RALGAPB: variants seen among roughly 807,000 people sequenced by gnomAD.
The protein encoded by RALGAPB is Ral GTPase activating protein non-catalytic subunit beta, also known as ral GTPase-activating protein subunit beta.
RALGAPB carries 25 observed loss-of-function variants against 161.1 expected under a neutral mutation model. The observed-to-expected ratio is 0.16, with a 90% CI of 0.11 to 0.22. The LOEUF (loss-of-function observed/expected upper bound fraction) is 0.22, where lower values mean the gene tolerates loss of function less well. Ranked by LOEUF, RALGAPB falls within the 10% of genes least tolerant of loss-of-function variation. The pLI is 1.00. For missense variants in RALGAPB, 1,391 were observed against 1,815.2 expected (o/e 0.77, Z 4.25); for synonymous variants, 629 against 626.1 (o/e 1.00, Z -0.07).
chr20:38,525,969 G>A lies in RALGAPB; in HGVS notation c.1977G>A (p.Lys659=), dbSNP rs1179126221. The part of the protein sequence containing the change: ...YDKPITFLSL[K]LRLVNILIGA... ...AACCAATAACTTTTCTGTCCCTGAA[G>A]TTGAGACTTGTGAATATATTAATAG... Residue 659 remains lysine, a synonymous_variant, in exon 13 of 30, where the codon AAG becomes AAA. Coordinates refer to ENST00000262879, the MANE Select transcript of RALGAPB (RefSeq NM_020336.4). The A allele has an allele frequency of 3.1e-6, 5 of 1,613,788 alleles. No homozygotes were observed. Among genetic ancestry groups the A allele is most frequent in the Non-Finnish European group, 4.2e-6 (5 of 1,179,824 alleles).
intron 23 of RALGAPB, 97 bp downstream of exon 23, chr20:38,558,550 T>C: frequency 8.4e-7 from 1 of 1,191,670 alleles, no homozygotes; most frequent in Non-Finnish European, 1.1e-6. Flanking sequence ...GAGAGTTTAT[T>C]TGGGCCAGAG....
intron 9 of RALGAPB, among the ~76,000 whole-genome samples, chr20:38,518,323 AT>A (rs1275016984): frequency 6.6e-6 from 1 of 152,214 alleles, no homozygotes; most frequent in Non-Finnish European, 1.5e-5. Context: ...GGATAATAAA[AT>A]TTATATAAAG....
In RALGAPB at chr20:38,472,992, G is replaced by A. The variant is rs893092247; in HGVS notation, c.-108G>A. The A allele has an allele frequency of 7.5e-6, 3 of 397,762 alleles. No individual in the cohort carries two copies. Among genetic ancestry groups the A allele is most frequent in the Non-Finnish European group, 1.3e-5 (3 of 225,300 alleles). The allele number at this position is 397,762 out of a possible 1,614,324, so 24.6% of individuals were successfully genotyped here. ...GTGAAAGCGCCAGCCCTATGGCGCG[G>A]GTCGCGTGAGGCGGAAGGCCGAGGA... On this transcript the variant is annotated 5_prime_UTR_variant, in exon 1 of 30. Transcript: ENST00000262879.
At chr20:38,523,636 A>G (rs2086363254) in intron 10 of RALGAPB, among the ~76,000 whole-genome samples, 1 of 152,242 alleles carries the variant, frequency 6.6e-6, no homozygotes, top group Non-Finnish European at 1.5e-5. Flanking sequence ...CCAGATATCC[A>G]GTAAGCTTTT....
Position 38,492,926 on chromosome 20 carries a change from C to A in RALGAPB, c.187-4C>A. The A allele has an allele frequency of 6.3e-7, 1 of 1,593,168 alleles. No homozygotes were observed. Among genetic ancestry groups the A allele is most frequent in the South Asian group, 1.1e-5 (1 of 90,426 alleles). ...ATTCTATATGGATATTTTCTTTTGT[C>A]TAGGTAAAATGGACCATGGAAGTAA... On this transcript the variant is annotated splice_polypyrimidine_tract_variant and splice_region_variant and intron_variant, in intron 2 of 29. Coordinates refer to ENST00000262879, the MANE Select transcript of RALGAPB (RefSeq NM_020336.4).
intron 3 of RALGAPB, among the ~76,000 whole-genome samples, chr20:38,496,204 G>T (rs6128275): frequency 6.6e-6 from 1 of 152,180 alleles, no homozygotes; most frequent in East Asian, 1.9e-4. Flanking sequence ...TTTTGCTTTA[G>T]GTCTGACTTC....
In RALGAPB at chr20:38,519,118, C is replaced by T. The variant is rs573222597; in HGVS notation, c.1417+1118C>T. Among the ~76,000 whole-genome samples the T allele has an allele frequency of 7.9e-5, 12 of 152,140 alleles. No homozygotes were observed. In the South Asian group the frequency reaches 2.5e-3, roughly 32 times the overall value. ...TTTTTGGGAATATAATTTGAGAATG[C>T]CATGGTTGAGTTTAGGGATGTCTTT... On this transcript the variant is annotated intron_variant, in intron 9 of 29. Transcript: ENST00000262879.
At chr20:38,505,772 T>C (rs747593873) in intron 5 of RALGAPB, among the ~76,000 whole-genome samples, 2 of 152,188 alleles carry the variant, frequency 1.3e-5, no homozygotes, top group Non-Finnish European at 2.9e-5. Flanking sequence ...CTTTTTGCAA[T>C]GTTTGTTTTA....
In RALGAPB at chr20:38,575,939, C is replaced by T. The variant is rs974249342; in HGVS notation, c.*972C>T. 7 of 152,480 alleles carry T rather than the reference C, an allele frequency of 4.6e-5. No individual in the cohort carries two copies. Among genetic ancestry groups the T allele is most frequent in the South Asian group, 2.1e-4 (1 of 4,832 alleles). The allele number at this position is 152,480 out of a possible 1,614,324, so 9.4% of individuals were successfully genotyped here. On this transcript the variant is annotated 3_prime_UTR_variant, in exon 30 of 30. Coordinates refer to ENST00000262879, the MANE Select transcript of RALGAPB (RefSeq NM_020336.4). Reference sequence around the variant, plus strand: ...ATGGGGTTCAGGAATAGCCTCTCAACGCTACTAATTCAGATCTCTCCCAGA... The same window carrying T: ...ATGGGGTTCAGGAATAGCCTCTCAATGCTACTAATTCAGATCTCTCCCAGA...
At chr20:38,523,781 A>G (rs2086369126) in intron 10 of RALGAPB, among the ~76,000 whole-genome samples, 1 of 152,210 alleles carries the variant, frequency 6.6e-6, no homozygotes, top group African/African-American at 2.4e-5. Flanking sequence ...ACTGAGGAAC[A>G]CCATCTTTAG....
At chr20:38,541,948 G>A (rs2086983677) in intron 18 of RALGAPB, among the ~76,000 whole-genome samples, 1 of 152,186 alleles carries the variant, frequency 6.6e-6, no homozygotes, top group South Asian at 2.1e-4. Context: ...GAGAATTTTG[G>A]TGTAGTAAAG....
chr20:38,476,174 A>G (rs1862053884), intron 1 of RALGAPB, among the ~76,000 whole-genome samples: 1 of 152,194 alleles, frequency 6.6e-6, no homozygotes, highest in Admixed American at 6.5e-5. Flanking sequence ...GTAAAGGTGA[A>G]AAATTCCACA....
intron 5 of RALGAPB, among the ~76,000 whole-genome samples, chr20:38,506,365 C>G (rs941759539): frequency 6.6e-6 from 1 of 151,952 alleles, no homozygotes; most frequent in Admixed American, 6.6e-5. Context: ...GCAATCACAG[C>G]TTACTGCAGC....
chr20:38,548,273 G>A (rs2087241980), intron 19 of RALGAPB, among the ~76,000 whole-genome samples: 1 of 152,120 alleles, frequency 6.6e-6, no homozygotes, highest in Non-Finnish European at 1.5e-5. Context: ...CACCCAGTCT[G>A]TCTTTCTACA....
At chr20:38,497,327 C>T (rs771681998) in intron 3 of RALGAPB, 26 bp from the exon 4 acceptor site, 1 of 1,607,678 alleles carries the variant, frequency 6.2e-7, no homozygotes, top group Middle Eastern at 1.7e-4. Context: ...CCAGGCTTGT[C>T]AGTGATATCT....
chr20:38,526,937 G>A (rs1025218484), intron 13 of RALGAPB, among the ~76,000 whole-genome samples: 2 of 152,158 alleles, frequency 1.3e-5, no homozygotes, highest in Admixed American at 1.3e-4. Flanking sequence ...TGCCACTAAA[G>A]TGCAATCCTG....
chr20:38,574,159 T>C lies in RALGAPB; in HGVS notation c.4152T>C (p.Thr1384=). ...ATTTTCTTTTCTTAAGATCTACAAC[T>C]CTTGAAAAAGAAGTTCCTGTCATCT... ...ANSSTSLRST[T]LEKEVPVIFI... Residue 1384 remains threonine, a synonymous_variant, in exon 29 of 30, where the codon ACT becomes ACC. Transcript: ENST00000262879. 1.2e-6 allele frequency: 2 copies of C among 1,607,392 alleles called. No homozygotes were observed. Among genetic ancestry groups the C allele is most frequent in the Non-Finnish European group, 1.7e-6 (2 of 1,177,840 alleles).
chr20:38,567,354 C>G, intron 26 of RALGAPB, 122 bp downstream of exon 26: 1 of 1,283,906 alleles, frequency 7.8e-7, no homozygotes, highest in East Asian at 2.8e-5. Context: ...TCCTTAGTAA[C>G]TTAATTTTTT....
intron 14 of RALGAPB, among the ~76,000 whole-genome samples, chr20:38,532,078 CAG>C (rs1013505390): frequency 1.1e-4 from 17 of 152,062 alleles, no homozygotes; most frequent in African/African-American, 3.4e-4. Context: ...GGTTTTGAGA[CAG>C]AGTCTCGCTC....
Sources: gnomAD v4.1 joint callset for allele counts (sites outside exome capture counted in the v4.1 genomes callset) on GRCh38, gnomAD v4.1.1 for gene constraint, MANE v1.5 for transcripts, NCBI Gene and HGNC (gene_info 2026-07-23, HGNC 2026-07-21) for gene names.